The following TUB variants were observed in gnomAD, a reference collection of about 807,000 sequenced individuals.
The protein encoded by TUB is tubby protein homolog.
In TUB, 33 loss-of-function variants were observed where a neutral mutation model predicts 59.7. The ratio of observed to expected loss-of-function variants is 0.55; its 90% confidence interval spans 0.42 to 0.74. The LOEUF (loss-of-function observed/expected upper bound fraction) is 0.74, where lower values mean the gene tolerates loss of function less well. TUB is among the 30% of genes least tolerant of loss of function. TUB has a pLI of 0.00. For missense variants in TUB, 659 were observed against 672.0 expected (o/e 0.98, Z 0.21); for synonymous variants, 293 against 256.4 (o/e 1.14, Z -1.36).
intron 2 of TUB, among the ~76,000 whole-genome samples, chr11:8,073,970 C>A (rs1051385996): frequency 6.6e-6 from 1 of 152,202 alleles, no homozygotes; most frequent in Non-Finnish European, 1.5e-5. Flanking sequence ...AGATAAATAA[C>A]CAGGCTAAGA....
chr11:8,050,682 C>T (rs116765869), intron 2 of TUB, among the ~76,000 whole-genome samples: 5 of 152,232 alleles, frequency 3.3e-5, no homozygotes, highest in East Asian at 1.9e-4. Context: ...AAAAGCTTTC[C>T]ATAAATAAAA....
chr11:8,045,896 G>A (rs146123105), intron 2 of TUB, among the ~76,000 whole-genome samples: 368 of 152,004 alleles, frequency 2.4e-3, no homozygotes, highest in African/African-American at 8.0e-3. Flanking sequence ...CTTTCTGCTC[G>A]GACTGGTGGG....
intron 2 of TUB, among the ~76,000 whole-genome samples, chr11:8,072,775 G>T (rs1943381884): frequency 6.6e-6 from 1 of 152,244 alleles, no homozygotes; most frequent in South Asian, 2.1e-4. Flanking sequence ...GTTAGCAGCA[G>T]AGAGGATAAG....
chr11:8,095,652 G>A lies in TUB; in HGVS notation c.552G>A (p.Thr184=), dbSNP rs141341931. The change falls in exon 5 of 12, where the codon ACG becomes ACA. Residue 184 remains threonine (T), a synonymous_variant. Coordinates refer to ENST00000299506, the MANE Select transcript of TUB (RefSeq NM_177972.3). ...ERPSGQDLRA[T]MQRKGISSSM... is the part of the protein sequence containing the mutation. ...CCAGCGGGCAGGATCTCCGTGCCAC[G>A]ATGCAGAGGAAGGGTGAGCCCCATG... 1.5e-5 allele frequency: 24 copies of A among 1,601,552 alleles called. No individual in the cohort carries two copies. Among genetic ancestry groups the A allele is most frequent in the African/African-American group, 2.7e-5 (2 of 74,818 alleles).
Position 8,038,907 on chromosome 11 carries a change from GTTTC to G in TUB, c.42_45del (p.Phe14LeufsTer30), listed in dbSNP as rs757174356. The G allele has an allele frequency of 1.3e-4, 202 of 1,614,098 alleles. No homozygotes were observed. In the Admixed American group the frequency reaches 3.1e-3, roughly 25 times the overall value. On this transcript the variant is annotated frameshift_variant, in exon 1 of 13. Coordinates refer to the TUB transcript ENST00000305253. LOFTEE classifies it high-confidence loss of function. ...CAGGACACCTTTGCCTTCTTTCTGG[GTTTC>G]TTTCTTTGCCGAGACAGGGATTTTG...
intron 3 of TUB, among the ~76,000 whole-genome samples, chr11:8,091,074 C>T (rs377198092): frequency 6.6e-5 from 10 of 152,136 alleles, no homozygotes; most frequent in South Asian, 6.2e-4. Flanking sequence ...GTGGTGCTCC[C>T]CTCCTTCTGT....
At chr11:8,044,162 C>T (rs1300624619) in intron 2 of TUB, among the ~76,000 whole-genome samples, 2 of 152,110 alleles carry the variant, frequency 1.3e-5, no homozygotes, top group Non-Finnish European at 1.5e-5. Context: ...ATTATTTCTT[C>T]TAATATTTTT....
intron 2 of TUB, among the ~76,000 whole-genome samples, chr11:8,045,277 G>A (rs1942814432): frequency 6.6e-6 from 1 of 152,124 alleles, no homozygotes; most frequent in Non-Finnish European, 1.5e-5. Flanking sequence ...TATCATGCAA[G>A]AATTTCCAAG....
At chr11:8,029,374 C>G (rs889036677) in intron 1 of TUB, among the ~76,000 whole-genome samples, 2 of 137,918 alleles carry the variant, frequency 1.5e-5, no homozygotes, top group African/African-American at 5.2e-5. Context: ...AGGTTCTTTT[C>G]TTTTTCTTTC....
intron 11 of TUB, 136 bp downstream of exon 11, chr11:8,101,133 G>C (rs1944281156): frequency 9.1e-7 from 1 of 1,096,138 alleles, no homozygotes; most frequent in Non-Finnish European, 1.3e-6. Context: ...TAGATGTATG[G>C]AACTTTCTAA....
At chr11:8,083,467 C>T (rs1397086434) in intron 1 of TUB, among the ~76,000 whole-genome samples, 3 of 152,136 alleles carry the variant, frequency 2.0e-5, no homozygotes, top group African/African-American at 7.2e-5. Flanking sequence ...ATGGCTTAAG[C>T]CTGTTCCTGG....
At chr11:8,064,747 C>G (rs1259836026) in intron 2 of TUB, among the ~76,000 whole-genome samples, 1 of 152,208 alleles carries the variant, frequency 6.6e-6, no homozygotes, top group African/African-American at 2.4e-5. Context: ...CTGTTGCAGA[C>G]AGGGCCACAG....
At chr11:8,096,617 C>A in intron 5 of TUB, 68 bp from the exon 6 acceptor site, 1 of 1,033,182 alleles carries the variant, frequency 9.7e-7, no homozygotes, top group Non-Finnish European at 1.5e-6. Context: ...GAGTATGTGA[C>A]CATGTGTATT....
At chr11:8,083,760 C>A (rs905002380) in intron 1 of TUB, among the ~76,000 whole-genome samples, 1 of 152,138 alleles carries the variant, frequency 6.6e-6, no homozygotes, top group East Asian at 1.9e-4. Context: ...TCCACCTCCT[C>A]GTTCTGTTGT....
chr11:8,051,413 T>C (rs1942933362), intron 2 of TUB, among the ~76,000 whole-genome samples: 1 of 152,228 alleles, frequency 6.6e-6, no homozygotes, highest in Non-Finnish European at 1.5e-5. Flanking sequence ...ATTTTGGTTA[T>C]TTCCATAATT....
At chr11:8,100,086 C>G (rs777417513) in intron 9 of TUB, among the ~76,000 whole-genome samples, 2 of 152,086 alleles carry the variant, frequency 1.3e-5, no homozygotes, top group African/African-American at 4.8e-5. Flanking sequence ...GGAGGGCCAA[C>G]AACAGAAACC....
rs1230355491 is a variant in TUB at position 8,098,738 on chromosome 11, T to C, written c.999-20T>C. On this transcript the variant is annotated intron_variant, in intron 8 of 11. Coordinates refer to ENST00000299506, the MANE Select transcript of TUB (RefSeq NM_177972.3). ...GGGCAGAGGGTGCATGACTCTATAC[T>C]GATTGTGCCTTTATTTCAGGTCCAA... 6.3e-7 allele frequency: 1 copy of C among 1,578,874 alleles called. No individual in the cohort carries two copies. Among genetic ancestry groups the C allele is most frequent in the South Asian group, 1.1e-5 (1 of 90,284 alleles).
At chr11:8,025,430 G>A (rs1312876012) in intron 1 of TUB, among the ~76,000 whole-genome samples, 1 of 152,072 alleles carries the variant, frequency 6.6e-6, no homozygotes, top group Non-Finnish European at 1.5e-5. Context: ...AGTGTGTTTG[G>A]GAACAGCATG....
chr11:8,077,381 C>T (rs1943466770), upstream of TUB: 1 of 152,182 alleles, frequency 6.6e-6, no homozygotes, highest in Non-Finnish European at 1.5e-5. Flanking sequence ...TTTCCTGCCA[C>T]ACCGAACCAT....
Sources: allele counts gnomAD v4.1 joint callset (sites outside exome capture counted in the v4.1 genomes callset), GRCh38; gene constraint gnomAD v4.1.1; transcripts MANE v1.5; gene names NCBI Gene and HGNC (gene_info 2026-07-23, HGNC 2026-07-21).